The following STK32B variants were observed in gnomAD, a reference collection of about 807,000 sequenced individuals.
The protein encoded by STK32B is serine/threonine kinase 32B.
STK32B carries 43 observed loss-of-function variants against 52.6 expected under a neutral mutation model. The ratio of observed to expected loss-of-function variants is 0.82; its 90% CI spans 0.64 to 1.05. The LOEUF is 1.05. Among genes scored for constraint, STK32B ranks in the 50% least tolerant of loss-of-function variants. The probability of loss-of-function intolerance (pLI) is 0.00; values close to 1 mark genes in which losing one functional copy is unlikely to be tolerated. For missense variants in STK32B, 621 were observed against 534.6 expected, an observed-to-expected ratio of 1.16 and a Z score of -1.59; for synonymous variants, 238 against 204.3, an observed-to-expected ratio of 1.17 and a Z score of -1.41.
intron 3 of STK32B, among the ~76,000 whole-genome samples, chr4:5,191,046 C>T (rs1357251734): frequency 1.3e-5 from 2 of 152,184 alleles, no homozygotes; most frequent in Non-Finnish European, 2.9e-5. Context: ...AAACTGAGCC[C>T]AGCCAGTGGC....
intron 4 of STK32B, among the ~76,000 whole-genome samples, chr4:5,369,660 C>T (rs1735100889): frequency 6.6e-6 from 1 of 152,126 alleles, no homozygotes; most frequent in African/African-American, 2.4e-5. Flanking sequence ...CTGCTCTACC[C>T]TCATGGTCTT....
chr4:5,166,523 T>G (rs1718881522), intron 2 of STK32B, among the ~76,000 whole-genome samples: 1 of 148,284 alleles, frequency 6.7e-6, no homozygotes, highest in Non-Finnish European at 1.5e-5. Context: ...GGTGTCCTTA[T>G]AAGAAGATGA....
chr4:5,220,747 G>A (rs7684476), intron 3 of STK32B, among the ~76,000 whole-genome samples: 2,364 of 152,244 alleles, frequency 0.016, 62 homozygotes, highest in African/African-American at 0.054. Context: ...GCTCTCCATG[G>A]CAGCACAGAA....
chr4:5,446,632 T>G (rs1258674157), intron 6 of STK32B, 41 bp from the exon 7 acceptor site: 2 of 1,571,602 alleles, frequency 1.3e-6, no homozygotes, highest in Non-Finnish European at 1.7e-6. Flanking sequence ...GGCCATAAAC[T>G]GGGATACACA....
intron 6 of STK32B, among the ~76,000 whole-genome samples, chr4:5,426,131 C>G (rs1713069600): frequency 6.6e-6 from 1 of 152,132 alleles, no homozygotes; most frequent in Non-Finnish European, 1.5e-5. Flanking sequence ...AGTGAGATTG[C>G]TGGATCATTT....
intron 1 of STK32B, 157 bp from the exon 2 acceptor site, chr4:5,139,748 C>T (rs978025108): frequency 4.3e-6 from 3 of 697,336 alleles, no homozygotes; most frequent in Non-Finnish European, 7.4e-6. Flanking sequence ...GCTGCAAATT[C>T]CCCTGTGGAT....
chr4:5,310,805 G>T (rs1730244766), intron 3 of STK32B, among the ~76,000 whole-genome samples: 1 of 152,146 alleles, frequency 6.6e-6, no homozygotes, highest in East Asian at 1.9e-4. Flanking sequence ...TCCACAAATA[G>T]ATGAATGGAT....
the STK32B span, among the ~76,000 whole-genome samples, chr4:5,026,559 C>A: frequency 1.3e-5 from 2 of 152,200 alleles, no homozygotes; most frequent in African/African-American, 4.8e-5. Flanking sequence ...GAAACCACTC[C>A]CATGATTCAG....
intron 1 of STK32B, among the ~76,000 whole-genome samples, chr4:5,125,392 A>C (rs1335936655): frequency 6.6e-6 from 1 of 152,234 alleles, no homozygotes; most frequent in Non-Finnish European, 1.5e-5. Flanking sequence ...GGAACTGAGA[A>C]TGTAGAAATT....
chr4:5,262,935 A>G (rs1726818585), intron 3 of STK32B, among the ~76,000 whole-genome samples: 1 of 152,170 alleles, frequency 6.6e-6, no homozygotes, highest in African/African-American at 2.4e-5. Flanking sequence ...GAGTTGGGTA[A>G]CACCCACATG....
intron 6 of STK32B, among the ~76,000 whole-genome samples, chr4:5,439,843 C>A (rs1714534497): frequency 1.3e-5 from 2 of 151,590 alleles, no homozygotes; most frequent in South Asian, 4.2e-4. Context: ...TTTCCCAGCA[C>A]CATTTATTAA....
intron 1 of STK32B, among the ~76,000 whole-genome samples, chr4:5,062,168 A>G (rs1742241511): frequency 1.3e-5 from 2 of 151,588 alleles, no homozygotes; most frequent in South Asian, 4.2e-4. Context: ...CTACTACCCA[A>G]CTCTCCTCAC....
In STK32B at chr4:5,398,555, C is replaced by T. The variant is rs547643340; in HGVS notation, c.472+311C>T. 1.4e-4 allele frequency among the ~76,000 whole-genome samples: 21 copies of T among 152,252 alleles called. No homozygotes were observed. The highest frequency in any genetic ancestry group is 3.9e-4 in the East Asian group (2 of 5,182). On this transcript the variant is annotated intron_variant, in intron 5 of 11. Transcript: ENST00000282908. This position sits in a 1 kb window ranked among gnomAD's most constrained non-coding sequence, Gnocchi z 4.9. The stretch of plus-strand genomic sequence containing the variant: ...CAACCCCAACTCCCTCACCTATGAA[C>T]GTGTGGCTTCAGAAGTCACCCACCT...
intron 3 of STK32B, among the ~76,000 whole-genome samples, chr4:5,201,940 C>A (rs1006251088): frequency 6.6e-6 from 1 of 152,132 alleles, no homozygotes; most frequent in African/African-American, 2.4e-5. Context: ...CTGGCCCCTC[C>A]CAAATCTTAT....
intron 3 of STK32B, among the ~76,000 whole-genome samples, chr4:5,327,286 C>A (rs987139191): frequency 4.0e-5 from 6 of 150,774 alleles, no homozygotes; most frequent in African/African-American, 1.5e-4. Flanking sequence ...GACCTTTTCT[C>A]ATGAATCATG....
chr4:5,361,425 G>GC (rs1734542720), intron 4 of STK32B, among the ~76,000 whole-genome samples: 2 of 152,130 alleles, frequency 1.3e-5, no homozygotes, highest in South Asian at 4.2e-4. Flanking sequence ...AGGCTGGAGT[G>GC]CAGTGGCATG....
Position 5,484,185 on chromosome 4 carries a change from G to C in STK32B, c.1107-14760G>C, listed in dbSNP as rs567217023. On this transcript the variant is annotated intron_variant, in intron 11 of 11. Transcript: ENST00000282908. ...ATTGATCTGTCTAATGTTGACAGTG[G>C]GGTGTTAAAGTCTCCCATTATTATT... is the stretch of plus-strand genomic sequence containing the variant. Among the ~76,000 whole-genome samples the C allele has an allele frequency of 3.5e-4, 54 of 152,214 alleles. 1 individual carries two copies. The Middle Eastern group carries it at 0.014, about 38-fold the overall frequency.
chr4:5,287,686 A>G (rs191878373), intron 3 of STK32B, among the ~76,000 whole-genome samples: 1 of 141,068 alleles, frequency 7.1e-6, no homozygotes, highest in East Asian at 2.0e-4. Context: ...TTTTTATAAA[A>G]TTCTTTTTTT....
intron 4 of STK32B, among the ~76,000 whole-genome samples, chr4:5,385,171 T>C (rs1736168463): frequency 6.6e-6 from 1 of 151,580 alleles, no homozygotes; most frequent in Non-Finnish European, 1.5e-5. Context: ...TGGCCAGAGC[T>C]AGAGGGAATG....
Sources: gnomAD v4.1 joint callset for allele counts (sites outside exome capture counted in the v4.1 genomes callset) on GRCh38, gnomAD v4.1.1 for gene constraint, Gnocchi (gnomAD v3.1) non-coding constraint, MANE v1.5 for transcripts, NCBI Gene and HGNC (gene_info 2026-07-23, HGNC 2026-07-21) for gene names.